The following LHFPL3 variants were observed in gnomAD, a reference collection of about 807,000 sequenced individuals.
LHFPL3 encodes LHFPL tetraspan subfamily member 3 protein.
A neutral mutation model predicts 19.3 loss-of-function variants in LHFPL3; 5 were observed. The ratio of observed to expected loss-of-function variants is 0.26; its 90% CI spans 0.14 to 0.54. The LOEUF (loss-of-function observed/expected upper bound fraction) is 0.54, where lower values mean the gene tolerates loss of function less well. Ranked by LOEUF, LHFPL3 falls within the 20% of genes least tolerant of loss-of-function variation. The pLI is 0.94. For synonymous variants in LHFPL3, 133 were observed against 126.2 expected (o/e 1.05, Z -0.36); for missense variants, 249 against 307.4 (o/e 0.81, Z 1.42).
chr7:104,384,542 T>G (rs1201303462), intron 1 of LHFPL3, among the ~76,000 whole-genome samples: 1 of 151,694 alleles, frequency 6.6e-6, no homozygotes, highest in Non-Finnish European at 1.5e-5. Context: ...ATCCCAGCAC[T>G]TTGGGAGGCC....
At chr7:104,377,124 T>C (rs2116444075) in intron 1 of LHFPL3, among the ~76,000 whole-genome samples, 1 of 152,276 alleles carries the variant, frequency 6.6e-6, no homozygotes, top group African/African-American at 2.4e-5. Context: ...TTCTTGTGGG[T>C]GGCAGGGGAC....
chr7:104,835,712 C>T (rs1482745672), intron 2 of LHFPL3, among the ~76,000 whole-genome samples: 1 of 151,364 alleles, frequency 6.6e-6, no homozygotes, highest in Admixed American at 6.6e-5. Flanking sequence ...GCTCACTTCA[C>T]ATGATGTATT....
At chr7:104,450,393 A>T (rs1290077131) in intron 1 of LHFPL3, among the ~76,000 whole-genome samples, 1 of 152,214 alleles carries the variant, frequency 6.6e-6, no homozygotes, top group South Asian at 2.1e-4. Context: ...TCCATAGTGT[A>T]TATGTACCAC....
In LHFPL3 at chr7:104,476,546, C is replaced by T. The variant is rs188833879; in HGVS notation, c.445+147322C>T. 1.2e-3 allele frequency among the ~76,000 whole-genome samples: 188 copies of T among 152,042 alleles called. 2 individuals carry two copies. The highest frequency in any genetic ancestry group is 6.8e-3 in the Middle Eastern group (2 of 294). On this transcript the variant is annotated intron_variant, in intron 1 of 2. Coordinates refer to ENST00000424859, the MANE Select transcript of LHFPL3 (RefSeq NM_199000.3). ...CACGATCTCGGCTCACTGCAACCTC[C>T]GCCTCCTGGGTTCAAGCGATTCTCC...
chr7:104,658,675 A>T, intron 1 of LHFPL3, among the ~76,000 whole-genome samples: 1 of 152,128 alleles, frequency 6.6e-6, no homozygotes, highest in East Asian at 1.9e-4. Context: ...CTATAATCCC[A>T]GTTACCCTGG....
Position 104,753,152 on chromosome 7 carries a change from G to T in LHFPL3, c.682+16241G>T, listed in dbSNP as rs74960603. ...ATTAACACTATGATTATAATGTAAC[G>T]ATACTGAGGCCAACAACAATGGCCA... On this transcript the variant is annotated intron_variant, in intron 2 of 2. Coordinates refer to ENST00000424859, the MANE Select transcript of LHFPL3 (RefSeq NM_199000.3). 4.6e-3 allele frequency among the ~76,000 whole-genome samples: 694 copies of T among 152,214 alleles called. 31 individuals carry two copies. In the East Asian group the frequency reaches 0.1, roughly 22 times the overall value.
chr7:104,726,336 T>TA lies in LHFPL3; in HGVS notation c.446-10339_446-10338insA, dbSNP rs886262560. On this transcript the variant is annotated intron_variant, in intron 1 of 2. Coordinates refer to ENST00000424859, the MANE Select transcript of LHFPL3 (RefSeq NM_199000.3). ...TATACGATGATGGACCAAAGACTAT[T>TA]TTTTTTTTTTATTCCAAGGTACATG... Among the ~76,000 whole-genome samples the TA allele has an allele frequency of 1.6e-3, 244 of 150,060 alleles. 2 individuals are homozygous for TA. Among genetic ancestry groups the TA allele is most frequent in the Middle Eastern group, 0.014 (4 of 290 alleles).
intron 1 of LHFPL3, among the ~76,000 whole-genome samples, chr7:104,557,689 T>G (rs1238695596): frequency 6.6e-6 from 1 of 152,114 alleles, no homozygotes; most frequent in Non-Finnish European, 1.5e-5. Flanking sequence ...TTTTTATTTT[T>G]TATTATACTT....
At chr7:104,733,369 AG>A (rs1056255523) in intron 1 of LHFPL3, among the ~76,000 whole-genome samples, 59 of 152,176 alleles carry the variant, frequency 3.9e-4, no homozygotes, top group African/African-American at 1.4e-3. Flanking sequence ...GTCTCTTTGT[AG>A]GTCACTAAGG....
At chr7:104,593,664 T>G (rs202128663) in intron 1 of LHFPL3, among the ~76,000 whole-genome samples, 1 of 152,108 alleles carries the variant, frequency 6.6e-6, no homozygotes, top group Non-Finnish European at 1.5e-5. Context: ...TTATTATTGT[T>G]TGGGAGTCTA....
At chr7:104,900,743 G>T (rs1196033490) in intron 2 of LHFPL3, among the ~76,000 whole-genome samples, 1 of 152,150 alleles carries the variant, frequency 6.6e-6, no homozygotes, top group East Asian at 1.9e-4. Flanking sequence ...GGACAATAGG[G>T]CCATTATAAA....
chr7:104,338,933 C>T (rs1011308750), intron 1 of LHFPL3, among the ~76,000 whole-genome samples: 5 of 152,166 alleles, frequency 3.3e-5, no homozygotes, highest in Admixed American at 2.0e-4. Flanking sequence ...ACTTAACATA[C>T]TCTTCTCATT....
chr7:104,761,342 G>C (rs1317004964), intron 2 of LHFPL3, among the ~76,000 whole-genome samples: 3 of 152,020 alleles, frequency 2.0e-5, no homozygotes, highest in Non-Finnish European at 2.9e-5. Context: ...GAGTTTCTAA[G>C]TAGGGAAAAG....
intron 1 of LHFPL3, among the ~76,000 whole-genome samples, chr7:104,486,964 A>G (rs1312677671): frequency 6.6e-6 from 1 of 151,770 alleles, no homozygotes. Context: ...TAGCTCTATT[A>G]TTTTCTCATT....
chr7:104,566,650 G>A (rs1041013456), intron 1 of LHFPL3, among the ~76,000 whole-genome samples: 2 of 152,060 alleles, frequency 1.3e-5, no homozygotes, highest in African/African-American at 4.8e-5. Context: ...GACACCCCTA[G>A]GCATCATACC....
At chr7:104,826,095 A>G (rs549890361) in intron 2 of LHFPL3, among the ~76,000 whole-genome samples, 1 of 152,126 alleles carries the variant, frequency 6.6e-6, no homozygotes, top group East Asian at 1.9e-4. Context: ...CTACATGAAT[A>G]ATAACTGTTA....
chr7:104,435,065 C>T (rs1584318127), intron 1 of LHFPL3, among the ~76,000 whole-genome samples: 1 of 152,120 alleles, frequency 6.6e-6, no homozygotes, highest in African/African-American at 2.4e-5. Context: ...GTCACAATGA[C>T]ATTAAATTTA....
intron 1 of LHFPL3, among the ~76,000 whole-genome samples, chr7:104,360,225 G>A (rs753347779): frequency 4.6e-5 from 7 of 152,210 alleles, no homozygotes; most frequent in Admixed American, 2.0e-4. Context: ...CACTTGAAGA[G>A]CTCCTCTTCT....
At chr7:104,602,619 A>G (rs1790991920) in intron 1 of LHFPL3, among the ~76,000 whole-genome samples, 2 of 152,370 alleles carry the variant, frequency 1.3e-5, no homozygotes, top group Admixed American at 1.3e-4. Flanking sequence ...CACAGAATCA[A>G]TAGCATCTTC....
Sources: allele counts gnomAD v4.1 joint callset (sites outside exome capture counted in the v4.1 genomes callset), GRCh38; gene constraint gnomAD v4.1.1; transcripts MANE v1.5; gene names NCBI Gene and HGNC (gene_info 2026-07-23, HGNC 2026-07-21).